Variants in NANOS3 observed in about 807,000 individuals in gnomAD.
The protein encoded by NANOS3 is nanos homolog 3.
Under a neutral mutation model 13.8 loss-of-function variants are expected in NANOS3, and 11 were observed. That is an observed-to-expected ratio of 0.80 (90% CI 0.50 to 1.32). The LOEUF is 1.32. Ranked by LOEUF, NANOS3 falls within the 40% of genes most tolerant of loss-of-function variation. NANOS3 has a pLI of 0.00. For missense variants in NANOS3, 221 were observed against 263.8 expected (o/e 0.84, Z 1.12); for synonymous variants, 119 against 115.4 (o/e 1.03, Z -0.20).
chr19:13,866,263 G>A (rs1229297484), intron 1 of NANOS3, among the ~76,000 whole-genome samples: 1 of 151,982 alleles, frequency 6.6e-6, no homozygotes, highest in East Asian at 1.9e-4. Flanking sequence ...TGGAGGGCAG[G>A]CTGGGGGTGG....
chr19:13,874,838 A>G (rs1276259968), upstream of NANOS3: 2 of 527,704 alleles, frequency 3.8e-6, no homozygotes, highest in Non-Finnish European at 7.9e-6. Context: ...TTCCAGATCT[A>G]GGGGGGCCTG....
At chr19:13,873,897 G>A (rs1277301610), upstream of NANOS3, among the ~76,000 whole-genome samples, 1 of 151,528 alleles carries the variant, frequency 6.6e-6, no homozygotes, top group Non-Finnish European at 1.5e-5. Flanking sequence ...TGTAGGCCTG[G>A]GGGCACCCGG....
intron 1 of NANOS3, among the ~76,000 whole-genome samples, chr19:13,880,202 C>G: frequency 6.6e-6 from 1 of 152,128 alleles, no homozygotes; most frequent in Non-Finnish European, 1.5e-5. Context: ...GACCCCAGAG[C>G]ACGGCGGCCA....
Position 13,877,365 on chromosome 19 carries a change from G to C in NANOS3, c.117G>C (p.Met39Ile). 1 of 1,612,558 alleles carries C rather than the reference G, an allele frequency of 6.2e-7. No individual in the cohort carries two copies. ...GCCCCCAGCCAGAGCCAGAGCCAAT[G>C]CTGGAGCCGGTGTCAGCCCTGGAGC... ...RLSPQPEPEP[M>I]LEPVSALEPM... The change falls in exon 1 of 2, where the codon ATG (methionine) becomes ATC (isoleucine). Residue 39 changes from methionine (M) to isoleucine (I), a missense_variant. Met to Ile is a conservative substitution (Grantham distance 10). Coordinates refer to ENST00000339133, the MANE Select transcript of NANOS3 (RefSeq NM_001098622.3).
At chr19:13,864,928 G>A (rs1976209177), upstream of NANOS3, among the ~76,000 whole-genome samples, 1 of 151,878 alleles carries the variant, frequency 6.6e-6, no homozygotes, top group Admixed American at 6.6e-5. Flanking sequence ...CCTGCACACC[G>A]TTCCCTATGT....
chr19:13,875,188 CTTTT>C (rs376046818), upstream of NANOS3, among the ~76,000 whole-genome samples: 105 of 141,908 alleles, frequency 7.4e-4, no homozygotes, highest in African/African-American at 2.4e-3. Flanking sequence ...CTAAAATCCC[CTTTT>C]TTTTTTTTTT....
intron 1 of NANOS3, among the ~76,000 whole-genome samples, chr19:13,870,560 CTTTTTTTTTTTTT>C (rs34524831): frequency 1.4e-5 from 1 of 71,626 alleles, no homozygotes; most frequent in Non-Finnish European, 2.4e-5. Context: ...GATAGCGTGG[CTTTTTTTTTTTTT>C]TTTTTTTTTT....
At chr19:13,876,911 C>G (rs1348995855), upstream of NANOS3, among the ~76,000 whole-genome samples, 1 of 152,138 alleles carries the variant, frequency 6.6e-6, no homozygotes, top group East Asian at 1.9e-4. Context: ...CCCCCAATTC[C>G]CTGGAGGTGT....
chr19:13,867,464 C>T lies in NANOS3; in HGVS notation n.21+2027C>T, dbSNP rs1248006074. Among the ~76,000 whole-genome samples, 4 of 149,542 alleles carry T rather than the reference C, an allele frequency of 2.7e-5. 1 individual carries two copies. Among genetic ancestry groups the T allele is most frequent in the Admixed American group, 1.3e-4 (2 of 15,036 alleles). ...ATTTTTTGTAGAGATGGAGTTTTGCCGGTTGCCCAGGCTCGTCTCAAACTC... is the reference window on the plus strand; with the variant it reads ...ATTTTTTGTAGAGATGGAGTTTTGCTGGTTGCCCAGGCTCGTCTCAAACTC... On this transcript the variant is annotated intron_variant and non_coding_transcript_variant, in intron 1 of 2. Coordinates refer to the NANOS3 transcript ENST00000591161.
upstream of NANOS3, among the ~76,000 whole-genome samples, chr19:13,875,929 G>A (rs995337172): frequency 5.3e-5 from 8 of 152,230 alleles, no homozygotes; most frequent in East Asian, 1.9e-4. Context: ...CCCCTCCTGG[G>A]ACTGAGCTGA....
intron 1 of NANOS3, among the ~76,000 whole-genome samples, chr19:13,871,665 G>C (rs1214201599): frequency 1.3e-5 from 2 of 152,120 alleles, no homozygotes; most frequent in African/African-American, 2.4e-5. Context: ...AATGTCTCCT[G>C]CCTGATGACC....
chr19:13,863,997 C>A (rs563458072), upstream of NANOS3, among the ~76,000 whole-genome samples: 237 of 152,212 alleles, frequency 1.6e-3, 1 homozygote, highest in African/African-American at 5.1e-3. Flanking sequence ...GTTTCTCCAT[C>A]CCCCTCTCAG....
chr19:13,863,550 C>T (rs1317602552), upstream of NANOS3, among the ~76,000 whole-genome samples: 1 of 151,938 alleles, frequency 6.6e-6, no homozygotes, highest in African/African-American at 2.4e-5. Flanking sequence ...AAGGGCTGGC[C>T]GGCAGGGGGG....
chr19:13,875,112 T>G, upstream of NANOS3: 1 of 371,844 alleles, frequency 2.7e-6, no homozygotes, highest in Non-Finnish European at 5.5e-6. Context: ...GGAATCTGGA[T>G]GGGCTCTGGC....
At position 13,877,635 on chromosome 19, in the gene NANOS3, A is replaced by C; in HGVS notation, c.387A>C (p.Pro129=). Residue 129 remains proline (P), a synonymous_variant, in exon 1 of 2, where the codon CCA becomes CCC. Coordinates refer to ENST00000339133, the MANE Select transcript of NANOS3 (RefSeq NM_001098622.3). ...GCGCCCACACCCGACGCTTCTGCCC[A>C]CTTACTGGCCAGGGCTACACCTCCG... ...RERAHTRRFC[P]LTGQGYTSVY... 6.2e-7 allele frequency: 1 copy of C among 1,612,294 alleles called. No homozygotes were observed. The highest frequency in any genetic ancestry group is 8.5e-7 in the Non-Finnish European group (1 of 1,179,980).
chr19:13,874,594 CGTTT>C (rs1568364504), upstream of NANOS3: 7 of 412,112 alleles, frequency 1.7e-5, no homozygotes, highest in African/African-American at 6.2e-5. Flanking sequence ...ACCTGAAAAG[CGTTT>C]GTTTATTTCA....
intron 1 of NANOS3, among the ~76,000 whole-genome samples, chr19:13,879,472 A>T (rs1968583994): frequency 6.6e-6 from 1 of 152,192 alleles, no homozygotes; most frequent in East Asian, 1.9e-4. Context: ...GTGATGGCTT[A>T]CACCTGTAAT....
Position 13,880,668 on chromosome 19 carries a change from G to C in NANOS3, c.*165G>C. ...GAAGAGCTGAAATCGCCCTGTCCTTGGGGACCCCACCCTTTGTGCCATCTG... is the reference window on the plus strand; with the variant it reads ...GAAGAGCTGAAATCGCCCTGTCCTTCGGGACCCCACCCTTTGTGCCATCTG... On this transcript the variant is annotated 3_prime_UTR_variant, in exon 2 of 2. Coordinates refer to ENST00000339133, the MANE Select transcript of NANOS3 (RefSeq NM_001098622.3). 1 of 625,664 alleles carries C rather than the reference G, an allele frequency of 1.6e-6. No individual in the cohort carries two copies. The highest frequency in any genetic ancestry group is 1.9e-5 in the South Asian group (1 of 51,968). The allele number at this position is 625,664 out of a possible 1,614,324, so 38.8% of individuals were successfully genotyped here.
upstream of NANOS3, among the ~76,000 whole-genome samples, chr19:13,862,965 A>G (rs1370867491): frequency 6.6e-6 from 1 of 152,236 alleles, no homozygotes; most frequent in Middle Eastern, 3.2e-3. Context: ...AGATGATGAT[A>G]GGCATTCCTG....
Sources: allele counts gnomAD v4.1 joint callset (sites outside exome capture counted in the v4.1 genomes callset), GRCh38; gene constraint gnomAD v4.1.1; transcripts MANE v1.5; gene names NCBI Gene and HGNC (gene_info 2026-07-23, HGNC 2026-07-21).